The following CTH variants were observed in gnomAD, a reference collection of about 807,000 sequenced individuals.
The protein encoded by CTH is cystathionase (cystathionine gamma-lyase).
CTH carries 41 observed loss-of-function variants against 50.6 expected under a neutral mutation model. That is an observed-to-expected ratio of 0.81 (90% CI 0.63 to 1.05). The LOEUF is 1.05. Ranked by LOEUF, CTH falls within the 50% of genes least tolerant of loss-of-function variation. The pLI is 0.00. For synonymous variants in CTH, 156 were observed against 168.9 expected, an observed-to-expected ratio of 0.92 and a Z score of 0.59; for missense variants, 470 against 492.6, an observed-to-expected ratio of 0.95 and a Z score of 0.43.
chr1:70,430,512 A>C, intron 7 of CTH, 118 bp downstream of exon 7: 1 of 625,698 alleles, frequency 1.6e-6, no homozygotes, highest in Non-Finnish European at 2.8e-6. Context: ...GAAATGAAAA[A>C]TAGAGGAGAA....
intron 4 of CTH, among the ~76,000 whole-genome samples, chr1:70,422,125 G>A (rs1297705363): frequency 6.6e-6 from 1 of 152,182 alleles, no homozygotes; most frequent in Non-Finnish European, 1.5e-5. Context: ...GGTAACAGAA[G>A]TCATCACAGA....
chr1:70,432,047 G>C (rs1684485875), intron 7 of CTH, 36 bp from the exon 8 acceptor site: 1 of 1,612,674 alleles, frequency 6.2e-7, no homozygotes, highest in African/African-American at 1.3e-5. Context: ...GCCATACCCT[G>C]CCTTCAAACT....
chr1:70,411,756 G>C (rs1683970335), intron 1 of CTH, 173 bp downstream of exon 1: 1 of 880,452 alleles, frequency 1.1e-6, no homozygotes, highest in East Asian at 1.2e-4. Context: ...ATGGTCCAGT[G>C]ATCGTATTTC....
chr1:70,415,858 G>T (rs745710001), intron 1 of CTH, 98 bp from the exon 2 acceptor site: 166 of 751,934 alleles, frequency 2.2e-4, no homozygotes, highest in Non-Finnish European at 3.8e-4. Flanking sequence ...CTAAAGAATA[G>T]AAACTAATTA....
At chr1:70,420,669 T>A (rs1684199563) in intron 3 of CTH, among the ~76,000 whole-genome samples, 2 of 152,186 alleles carry the variant, frequency 1.3e-5, no homozygotes, top group African/African-American at 2.4e-5. Flanking sequence ...CTCTTAGTAA[T>A]CATTTTATCC....
At position 70,418,044 on chromosome 1, in the gene CTH, C is replaced by T. The variant is rs1684131633; in HGVS notation, c.346+12C>T. ...TGATGTGTATGGAGGTAGGTGACCC[C>T]TCTCATTTATATTCTGTAAACTTGT... On this transcript the variant is annotated intron_variant, in intron 3 of 11. Coordinates refer to ENST00000370938, the MANE Select transcript of CTH (RefSeq NM_001902.6). 2 of 1,613,272 alleles carry T rather than the reference C, an allele frequency of 1.2e-6. No homozygotes were observed. The highest frequency in any genetic ancestry group is 1.7e-6 in the Non-Finnish European group (2 of 1,179,310).
chr1:70,425,932 C>T (rs952233401), intron 5 of CTH, among the ~76,000 whole-genome samples: 1 of 152,122 alleles, frequency 6.6e-6, no homozygotes, highest in Non-Finnish European at 1.5e-5. Flanking sequence ...CAAACCATAT[C>T]AGGCAAAAAT....
At chr1:70,428,137 CAT>C (rs1021394611) in intron 5 of CTH, among the ~76,000 whole-genome samples, 2 of 152,074 alleles carry the variant, frequency 1.3e-5, no homozygotes, top group Non-Finnish European at 2.9e-5. Context: ...CACAGACAGA[CAT>C]ATATAGCATG....
At chr1:70,415,884 A>G (rs1398014998) in intron 1 of CTH, 72 bp from the exon 2 acceptor site, 2 of 837,816 alleles carry the variant, frequency 2.4e-6, no homozygotes, top group East Asian at 2.4e-5. Context: ...GGGTGAAACT[A>G]TAGTTCTCTA....
At chr1:70,437,214 TG>T (rs1301276881) in intron 10 of CTH, among the ~76,000 whole-genome samples, 1 of 152,158 alleles carries the variant, frequency 6.6e-6, no homozygotes, top group Non-Finnish European at 1.5e-5. Context: ...TGCGAGAACA[TG>T]GGGAAAAAAA....
chr1:70,431,990 C>T (rs1401339635), intron 7 of CTH, 93 bp from the exon 8 acceptor site: 1 of 1,318,096 alleles, frequency 7.6e-7, no homozygotes, highest in Non-Finnish European at 1.1e-6. Context: ...TTACACCTAG[C>T]TTCTGAGAGT....
chr1:70,418,557 A>G (rs1475501982), intron 3 of CTH, among the ~76,000 whole-genome samples: 1 of 152,180 alleles, frequency 6.6e-6, no homozygotes, highest in African/African-American at 2.4e-5. Flanking sequence ...GCCAGAGATT[A>G]TTTACTAAGA....
In CTH at chr1:70,417,847, G is replaced by A. The variant is rs1210223889; in HGVS notation, c.251-90G>A. 1.8e-5 allele frequency: 26 copies of A among 1,409,872 alleles called. No individual in the cohort carries two copies. The East Asian group carries it at 5.8e-4, about 32-fold the overall frequency. 87.3% of individuals were successfully genotyped at this position (1,409,872 alleles called of 1,614,324 possible). On this transcript the variant is annotated intron_variant, in intron 2 of 11. Transcript: ENST00000370938. ...ACTCAGCAGTGATGGCTTCCTATCT[G>A]CATTAAAGTAAGTCAGGTAAATACT...
rs535261971 is a variant in CTH at position 70,428,338 on chromosome 1, T to A, written c.589-1456T>A. ...GGTGTTCTACTGCACAAAAGGATGA[T>A]CATAGTTACAATAAGATACTGTATA... On this transcript the variant is annotated intron_variant, in intron 5 of 11. Transcript: ENST00000370938. 7.2e-5 allele frequency among the ~76,000 whole-genome samples: 11 copies of A among 152,164 alleles called. No individual in the cohort carries two copies. In the South Asian group the frequency reaches 1.9e-3, roughly 26 times the overall value.
At chr1:70,438,509 T>A (rs928437543) in intron 10 of CTH, among the ~76,000 whole-genome samples, 179 bp from the exon 11 acceptor site, 1 of 152,214 alleles carries the variant, frequency 6.6e-6, no homozygotes, top group African/African-American at 2.4e-5. Context: ...TCATTTAAAA[T>A]CATAGCTAGA....
Position 70,421,864 on chromosome 1 carries a change from G to A in CTH, c.456+189G>A, listed in dbSNP as rs533481907. Among the ~76,000 whole-genome samples, 3 of 152,260 alleles carry A rather than the reference G, an allele frequency of 2.0e-5. No homozygotes were observed. The South Asian group carries it at 6.2e-4, about 32-fold the overall frequency. ...GCATAATGGTAGTACATGATTTCTG[G>A]AGTAGAATTCAAATTGTGATTCTGT... On this transcript the variant is annotated intron_variant, in intron 4 of 11. Coordinates refer to ENST00000370938, the MANE Select transcript of CTH (RefSeq NM_001902.6).
chr1:70,414,656 G>A (rs936881297), intron 1 of CTH, among the ~76,000 whole-genome samples: 1 of 152,056 alleles, frequency 6.6e-6, no homozygotes, highest in Admixed American at 6.6e-5. Context: ...GAAAATTATA[G>A]GACTTCTAAT....
At chr1:70,429,759 G>T in intron 5 of CTH, 35 bp from the exon 6 acceptor site, 3 of 1,487,234 alleles carry the variant, frequency 2.0e-6, no homozygotes, top group Non-Finnish European at 1.9e-6. Flanking sequence ...TTTTCAAATT[G>T]TTTCTCATTT....
At chr1:70,413,241 G>GCCT (rs1322943180) in intron 1 of CTH, among the ~76,000 whole-genome samples, 1 of 151,356 alleles carries the variant, frequency 6.6e-6, no homozygotes, top group African/African-American at 2.4e-5. Flanking sequence ...TATGTACACA[G>GCCT]CCTCTCTTTC....
Sources: gnomAD v4.1 joint callset for allele counts (sites outside exome capture counted in the v4.1 genomes callset) on GRCh38, gnomAD v4.1.1 for gene constraint, MANE v1.5 for transcripts, NCBI Gene and HGNC (gene_info 2026-07-23, HGNC 2026-07-21) for gene names.